CABIN1: variants seen among roughly 807,000 people sequenced by gnomAD.
The protein encoded by CABIN1 is calcineurin-binding protein cabin-1.
CABIN1 carries 133 observed loss-of-function variants against 227.7 expected under a neutral mutation model. The observed-to-expected ratio is 0.58, with a 90% CI of 0.51 to 0.67. The LOEUF is 0.67. Ranked by LOEUF, CABIN1 falls within the 30% of genes least tolerant of loss-of-function variation. The probability of loss-of-function intolerance (pLI) is 0.00; values close to 1 mark genes in which losing one functional copy is unlikely to be tolerated. For missense variants in CABIN1, 2,408 were observed against 2,852.5 expected (o/e 0.84, Z 3.55); for synonymous variants, 1,086 against 1,155.1 (o/e 0.94, Z 1.21).
intron 14 of CABIN1, 90 bp downstream of exon 14, chr22:24,063,236 ATGTGTGTGTG>A: frequency 2.7e-6 from 3 of 1,109,016 alleles, no homozygotes; most frequent in Admixed American, 1.8e-5. Context: ...GTGTGTGTGT[ATGTGTGTGTG>A]TGTGTGTGTG....
At chr22:24,087,041 G>T (rs1421971804) in intron 22 of CABIN1, among the ~76,000 whole-genome samples, 5 of 152,170 alleles carry the variant, frequency 3.3e-5, no homozygotes, top group African/African-American at 1.2e-4. Flanking sequence ...TGCTTTAGCT[G>T]GACTGCTGCT....
At chr22:24,170,831 G>A (rs913983631) in intron 33 of CABIN1, among the ~76,000 whole-genome samples, 2 of 151,618 alleles carry the variant, frequency 1.3e-5, no homozygotes, top group Admixed American at 6.6e-5. Flanking sequence ...GTGGGGATGG[G>A]GGTGCTGTCA....
In CABIN1 at chr22:24,069,180, G is replaced by T. The variant is rs553886245; in HGVS notation, c.2233-1620G>T. On this transcript the variant is annotated intron_variant, in intron 16 of 36. Transcript: ENST00000263119. ...TCTTCAGTCTAATTGGATAGTTTGT[G>T]TCTTGTTGAGTTGATTCTTAGTCCT... is the stretch of plus-strand genomic sequence containing the variant. 2.6e-5 allele frequency among the ~76,000 whole-genome samples: 4 copies of T among 152,342 alleles called. No homozygotes were observed. The South Asian group carries it at 8.3e-4, about 32-fold the overall frequency.
chr22:24,123,910 G>C (rs1485973030), intron 28 of CABIN1, among the ~76,000 whole-genome samples: 1 of 152,214 alleles, frequency 6.6e-6, no homozygotes, highest in African/African-American at 2.4e-5. Flanking sequence ...CTCTTCAAAG[G>C]GGCCCACAAG....
At chr22:24,043,289 GT>G (rs2037569433) in intron 6 of CABIN1, among the ~76,000 whole-genome samples, 1 of 102,444 alleles carries the variant, frequency 9.8e-6, no homozygotes, top group Admixed American at 1.0e-4. Context: ...AAAGTAGCAT[GT>G]TTTCTGAATG....
Position 24,054,959 on chromosome 22 carries a change from T to G in CABIN1, c.893T>G (p.Ile298Ser). 6.2e-7 allele frequency: 1 copy of G among 1,614,198 alleles called. No individual in the cohort carries two copies. The highest frequency in any genetic ancestry group is 8.5e-7 in the Non-Finnish European group (1 of 1,180,028). ...EPPRPSLGKR[I>S]DLSDYQDPSQ... ...CCACGTCCCAGCCTTGGCAAAAGGA[T>G]TGATTTGTCGGACTACCAGGACCCC... Residue 298 changes from isoleucine (I) to serine (S), a missense_variant, in exon 9 of 37, where the codon ATT (isoleucine) becomes AGT (serine). Around this residue, in one of 3 missense-constraint regions of CABIN1, gnomAD observed 1,045 missense variants for 1,168.4 expected, o/e 0.89. Transcript: ENST00000263119.
chr22:24,085,696 CCT>C (rs1489039757), intron 22 of CABIN1, among the ~76,000 whole-genome samples: 1 of 152,160 alleles, frequency 6.6e-6, no homozygotes, highest in Non-Finnish European at 1.5e-5. Context: ...CCTGTGGAAC[CCT>C]GTTTGGCTTT....
rs2039072461 is a variant in CABIN1 at position 24,059,952 on chromosome 22, G to A, written c.1428G>A (p.Leu476=). Residue 476 remains leucine (L), a synonymous_variant, in exon 12 of 37, where the codon CTG becomes CTA. Coordinates refer to ENST00000263119, the MANE Select transcript of CABIN1 (RefSeq NM_012295.4). The part of the protein sequence containing the change: ...SEKQDVHEFL[L]ENLTNGGILE... ...AGCAGGACGTGCATGAGTTCCTGCT[G>A]GAGAACCTAACCAACGGGGGCATCC... is the stretch of plus-strand genomic sequence containing the variant. 6.2e-7 allele frequency: 1 copy of A among 1,614,214 alleles called. No individual in the cohort carries two copies. Among genetic ancestry groups the A allele is most frequent in the African/African-American group, 1.3e-5 (1 of 75,058 alleles).
intron 18 of CABIN1, among the ~76,000 whole-genome samples, chr22:24,075,421 G>A (rs1286267344): frequency 3.3e-5 from 5 of 152,054 alleles, no homozygotes; most frequent in African/African-American, 1.2e-4. Flanking sequence ...TTTTCCTCCT[G>A]TTTTACTCTT....
chr22:24,092,580 G>A (rs1482607602), intron 24 of CABIN1, among the ~76,000 whole-genome samples: 2 of 152,120 alleles, frequency 1.3e-5, no homozygotes, highest in Non-Finnish European at 2.9e-5. Context: ...CTGAGGCTAT[G>A]TGCCCAGTCT....
In CABIN1 at chr22:24,087,667, A is replaced by G; in HGVS notation, c.3479A>G (p.Gln1160Arg). Residue 1160 changes from glutamine (Q) to arginine (R), a missense_variant, in exon 23 of 37, where the codon CAA becomes CGA. By Grantham distance (43) the Gln-to-Arg change is conservative. Around this residue, in one of 3 missense-constraint regions of CABIN1, gnomAD observed 649 missense variants for 910.3 expected, o/e 0.71. Coordinates refer to ENST00000263119, the MANE Select transcript of CABIN1 (RefSeq NM_012295.4). ...SYALHSFASR[Q>R]LKQWRGELPP... The stretch of plus-strand genomic sequence containing the variant: ...GCCTTGCACTCATTCGCCTCACGTC[A>G]ATTGAAGCAGTGGAGAGGCGAGCTG... 1 of 1,614,144 alleles carries G rather than the reference A, an allele frequency of 6.2e-7. No homozygotes were observed. The highest frequency in any genetic ancestry group is 8.5e-7 in the Non-Finnish European group (1 of 1,180,024).
chr22:24,154,933 T>C (rs2045692649), intron 29 of CABIN1, among the ~76,000 whole-genome samples: 1 of 152,048 alleles, frequency 6.6e-6, no homozygotes. Flanking sequence ...TAAATGGGTC[T>C]GAGGCCCCTG....
rs1039222061 is a variant in CABIN1, at chr22:24,037,089, G to A, written c.96+908G>A. ...AGCCTGGCCAACATGGTGAAACCCC[G>A]TCTCTACTCAAAGTATAAAAATTAG... On this transcript the variant is annotated intron_variant, in intron 3 of 36. Coordinates refer to ENST00000263119, the MANE Select transcript of CABIN1 (RefSeq NM_012295.4). 7.2e-5 allele frequency among the ~76,000 whole-genome samples: 11 copies of A among 151,794 alleles called. No individual in the cohort carries two copies. The East Asian group carries it at 1.2e-3, about 16-fold the overall frequency.
At chr22:24,164,242 T>C (rs1225868681) in intron 29 of CABIN1, among the ~76,000 whole-genome samples, 158 bp from the exon 30 acceptor site, 1 of 152,222 alleles carries the variant, frequency 6.6e-6, no homozygotes, top group African/African-American at 2.4e-5. Flanking sequence ...GGGGATACAC[T>C]TCTGTCTCCT....
chr22:24,129,166 C>T (rs1330008118), intron 28 of CABIN1, among the ~76,000 whole-genome samples: 1 of 152,214 alleles, frequency 6.6e-6, no homozygotes, highest in East Asian at 1.9e-4. Context: ...CAGCTGTCAA[C>T]AGGCTTTGCC....
intron 18 of CABIN1, among the ~76,000 whole-genome samples, chr22:24,075,432 TTTC>T (rs1352545089): frequency 3.3e-5 from 5 of 151,368 alleles, no homozygotes; most frequent in Non-Finnish European, 5.9e-5. Flanking sequence ...TTTTACTCTT[TTTC>T]TTCTGTATTA....
In CABIN1 at chr22:24,167,085, AGCCCCCGCCCCC is replaced by A. The variant is rs752261887; in HGVS notation, c.5464_5475del (p.Pro1822_Ala1825del). 1.7e-5 allele frequency: 26 copies of A among 1,535,482 alleles called. No homozygotes were observed. In the East Asian group the frequency reaches 3.0e-4, roughly 17 times the overall value. ...CCACCCCGCTCACCCCAGCCCAGCCAGCCCCCGCCCCCGCCCCCGCCACCACCACAGGGACCA... is the reference window on the plus strand; with the variant it reads ...CCACCCCGCTCACCCCAGCCCAGCCAGCCCCCGCCACCACCACAGGGACCA... On this transcript the variant is annotated inframe_deletion, in exon 32 of 37. Transcript: ENST00000263119.
intron 1 of CABIN1, among the ~76,000 whole-genome samples, chr22:24,032,076 C>T (rs186229771): frequency 1.3e-5 from 2 of 152,300 alleles, no homozygotes; most frequent in African/African-American, 4.8e-5. Context: ...GTTACCATCA[C>T]CACCATCCAT....
At chr22:24,141,471 G>A (rs1282339701) in intron 29 of CABIN1, among the ~76,000 whole-genome samples, 1 of 152,208 alleles carries the variant, frequency 6.6e-6, no homozygotes, top group South Asian at 2.1e-4. Context: ...CCTGTGCCGG[G>A]GTCTCCAGGA....
Sources: gnomAD v4.1 joint callset for allele counts (sites outside exome capture counted in the v4.1 genomes callset) on GRCh38, gnomAD v4.1.1 for gene constraint, gnomAD v4.1.1 regional missense constraint, MANE v1.5 for transcripts, NCBI Gene and HGNC (gene_info 2026-07-23, HGNC 2026-07-21) for gene names.